IMMP2L: variants seen among roughly 807,000 people sequenced by gnomAD.
IMMP2L encodes inner mitochondrial membrane peptidase subunit 2, also known as mitochondrial inner membrane protease subunit 2.
Under a neutral mutation model 19.3 loss-of-function variants are expected in IMMP2L, and 18 were observed. The ratio of observed to expected loss-of-function variants is 0.93; its 90% CI spans 0.64 to 1.38. The LOEUF is 1.38. Among genes scored for constraint, IMMP2L ranks in the 40% most tolerant of loss-of-function variants. The probability of loss-of-function intolerance (pLI) is 0.00; values close to 1 mark genes in which losing one functional copy is unlikely to be tolerated. For synonymous variants in IMMP2L, 76 were observed against 73.0 expected (o/e 1.04, Z -0.21); for missense variants, 233 against 218.2 (o/e 1.07, Z -0.43).
intron 5 of IMMP2L, among the ~76,000 whole-genome samples, chr7:110,827,900 T>G (rs1263254036): frequency 6.6e-6 from 1 of 152,266 alleles, no homozygotes; most frequent in African/African-American, 2.4e-5. Context: ...AAATATGTAC[T>G]GATCCTTCTG....
chr7:110,817,396 A>T (rs1402575222), intron 5 of IMMP2L, among the ~76,000 whole-genome samples: 1 of 152,068 alleles, frequency 6.6e-6, no homozygotes, highest in Non-Finnish European at 1.5e-5. Flanking sequence ...CTAGGAATCC[A>T]ACTTACAAGG....
At chr7:110,731,382 A>G (rs1796268318) in intron 5 of IMMP2L, among the ~76,000 whole-genome samples, 1 of 152,168 alleles carries the variant, frequency 6.6e-6, no homozygotes, top group Non-Finnish European at 1.5e-5. Context: ...ATGAATACAG[A>G]TGCTCTGAGT....
At chr7:111,374,022 C>CCCTT (rs148770600) in intron 3 of IMMP2L, among the ~76,000 whole-genome samples, 1,611 of 151,954 alleles carry the variant, frequency 0.011, 30 homozygotes, top group African/African-American at 0.036. Context: ...TTTGCTCTGA[C>CCCTT]CCTTCCCATT....
At chr7:111,220,801 T>C (rs1278811020) in intron 3 of IMMP2L, among the ~76,000 whole-genome samples, 1 of 151,936 alleles carries the variant, frequency 6.6e-6, no homozygotes, top group Non-Finnish European at 1.5e-5. Context: ...AGAGAGCCAA[T>C]GGTATAGATT....
At chr7:111,262,583 A>C (rs1255300973) in intron 3 of IMMP2L, among the ~76,000 whole-genome samples, 2 of 152,134 alleles carry the variant, frequency 1.3e-5, no homozygotes, top group Non-Finnish European at 2.9e-5. Context: ...AGGCAGAAAC[A>C]ATCTCTGAAA....
At position 110,861,679 on chromosome 7, in the gene IMMP2L, A is replaced by C. The variant is rs961722053; in HGVS notation, c.408+24914T>G. On this transcript the variant is annotated intron_variant, in intron 5 of 5. Transcript: ENST00000405709. ...TCTCACTGTAATTACTAAGAATTTAAATTTTCATTTTTCTGAAAATACTAC... is the reference window on the plus strand; with the variant it reads ...TCTCACTGTAATTACTAAGAATTTACATTTTCATTTTTCTGAAAATACTAC... 1.7e-4 allele frequency among the ~76,000 whole-genome samples: 26 copies of C among 151,852 alleles called. 1 individual carries two copies. Among genetic ancestry groups the C allele is most frequent in the African/African-American group, 6.3e-4 (26 of 41,204 alleles).
intron 3 of IMMP2L, among the ~76,000 whole-genome samples, chr7:111,235,941 C>A (rs541464622): frequency 1.3e-5 from 2 of 152,022 alleles, no homozygotes; most frequent in South Asian, 2.1e-4. Flanking sequence ...TAATTTCTTT[C>A]TTTGTAGACT....
At chr7:111,490,273 GT>G (rs561658962) in intron 2 of IMMP2L, among the ~76,000 whole-genome samples, 18 of 143,894 alleles carry the variant, frequency 1.3e-4, no homozygotes, top group Admixed American at 2.8e-4. Context: ...GCTAAGTCGG[GT>G]TTTTTTTTTC....
At chr7:111,179,563 G>T (rs1203646166) in intron 3 of IMMP2L, among the ~76,000 whole-genome samples, 5 of 151,938 alleles carry the variant, frequency 3.3e-5, no homozygotes, top group Admixed American at 3.3e-4. Context: ...AACAGATTTA[G>T]CATCATTCTT....
intron 3 of IMMP2L, among the ~76,000 whole-genome samples, chr7:110,999,922 C>A (rs1342284059): frequency 2.0e-5 from 3 of 152,096 alleles, no homozygotes; most frequent in Non-Finnish European, 4.4e-5. Context: ...TGAAACTTTA[C>A]AAGTTAAGAT....
intron 5 of IMMP2L, among the ~76,000 whole-genome samples, chr7:110,669,382 A>T (rs1460538457): frequency 6.6e-6 from 1 of 152,158 alleles, no homozygotes; most frequent in Admixed American, 6.5e-5. Flanking sequence ...AACTGATTGA[A>T]GAGGCTTACC....
intron 5 of IMMP2L, among the ~76,000 whole-genome samples, chr7:110,703,488 C>T (rs1794431461): frequency 6.6e-6 from 1 of 152,002 alleles, no homozygotes; most frequent in Non-Finnish European, 1.5e-5. Context: ...TACTTTATTT[C>T]CCTACATACT....
chr7:110,943,861 A>G (rs1816973597), intron 4 of IMMP2L, among the ~76,000 whole-genome samples: 1 of 152,022 alleles, frequency 6.6e-6, no homozygotes, highest in African/African-American at 2.4e-5. Context: ...TGGAGAGAGA[A>G]AAATGAAAAC....
Position 111,123,481 on chromosome 7 carries a change from A to G in IMMP2L, c.240-159916T>C, listed in dbSNP as rs1220830610. The G allele has an allele frequency of 6.2e-7, 1 of 1,613,884 alleles. No individual in the cohort carries two copies. Among genetic ancestry groups the G allele is most frequent in the Non-Finnish European group, 8.5e-7 (1 of 1,179,936 alleles). ...AGATAACGCCTTGGTTGGACTGGAA[A>G]ACTTAGAAAGCATCTCTTTTTACGA... On this transcript the variant is annotated intron_variant, in intron 3 of 5. Transcript: ENST00000405709. The surrounding 1 kb of genome is among the most constrained non-coding windows in gnomAD (Gnocchi z 6.4).
At chr7:110,866,200 A>T (rs552165013) in intron 5 of IMMP2L, among the ~76,000 whole-genome samples, 1 of 151,946 alleles carries the variant, frequency 6.6e-6, no homozygotes, top group Non-Finnish European at 1.5e-5. Flanking sequence ...ACTTTAGGAA[A>T]TTTCTAATTG....
intron 4 of IMMP2L, among the ~76,000 whole-genome samples, chr7:110,938,681 G>T (rs1225092163): frequency 6.6e-6 from 1 of 152,136 alleles, no homozygotes; most frequent in East Asian, 1.9e-4. Flanking sequence ...AGACTTCACT[G>T]CCATGCAATA....
chr7:111,178,908 C>T (rs1325514257), intron 3 of IMMP2L, among the ~76,000 whole-genome samples: 1 of 152,032 alleles, frequency 6.6e-6, no homozygotes, highest in Admixed American at 6.6e-5. Context: ...ATATTTTGAT[C>T]TGTTCTCATG....
intron 3 of IMMP2L, among the ~76,000 whole-genome samples, chr7:110,990,707 G>C (rs1201069750): frequency 6.6e-6 from 1 of 152,112 alleles, no homozygotes; most frequent in African/African-American, 2.4e-5. Flanking sequence ...CCTAATGCCA[G>C]TGCCAATCTA....
At chr7:111,040,266 G>T (rs923063130) in intron 3 of IMMP2L, among the ~76,000 whole-genome samples, 1 of 152,170 alleles carries the variant, frequency 6.6e-6, no homozygotes, top group African/African-American at 2.4e-5. Flanking sequence ...AAGAATTTTA[G>T]GTTGCTATTA....
Sources: gnomAD v4.1 joint callset for allele counts (sites outside exome capture counted in the v4.1 genomes callset) on GRCh38, gnomAD v4.1.1 for gene constraint, Gnocchi (gnomAD v3.1) non-coding constraint, MANE v1.5 for transcripts, NCBI Gene and HGNC (gene_info 2026-07-23, HGNC 2026-07-21) for gene names.